Variants in ASIP observed in about 807,000 individuals in gnomAD.
ASIP encodes the protein agouti-signaling protein.
A neutral mutation model predicts 10.3 loss-of-function variants in ASIP; 11 were observed. The observed-to-expected ratio is 1.07, with a 90% CI of 0.68 to 1.78. ASIP has a LOEUF of 1.78. Ranked by LOEUF, ASIP falls within the 40% of genes most tolerant of loss-of-function variation. ASIP has a pLI of 0.00. For synonymous variants in ASIP, 70 were observed against 70.8 expected (o/e 0.99, Z 0.06); for missense variants, 180 against 169.2 (o/e 1.06, Z -0.35).
At chr20:34,192,585 T>A (rs1459551541), upstream of ASIP, among the ~76,000 whole-genome samples, 1 of 151,174 alleles carries the variant, frequency 6.6e-6, no homozygotes, top group Non-Finnish European at 1.5e-5. Flanking sequence ...CTGGTTACCC[T>A]TTGGGATTGG....
intron 3 of ASIP, among the ~76,000 whole-genome samples, chr20:34,267,088 AATAT>A (rs1378934452): frequency 1.3e-5 from 2 of 152,228 alleles, no homozygotes; most frequent in Non-Finnish European, 2.9e-5. Context: ...GACAGATAAA[AATAT>A]ATAACTGACA....
intron 1 of ASIP, among the ~76,000 whole-genome samples, chr20:34,256,319 G>A (rs1398274537): frequency 6.6e-6 from 1 of 152,086 alleles, no homozygotes; most frequent in Non-Finnish European, 1.5e-5. Context: ...ACTGGTCTCT[G>A]TGCCTTGGTG....
In ASIP at chr20:34,262,905, G is replaced by C; in HGVS notation, c.222+12G>C. ...AAAGATCTTCTAAGGTAAGGGCAGGGAAGTTCTGGGAGTTCTCATTGTTGG... is the reference window on the plus strand; with the variant it reads ...AAAGATCTTCTAAGGTAAGGGCAGGCAAGTTCTGGGAGTTCTCATTGTTGG... On this transcript the variant is annotated intron_variant, in intron 3 of 3. Transcript: ENST00000374954. The C allele has an allele frequency of 1.2e-6, 2 of 1,613,810 alleles. No homozygotes were observed. The highest frequency in any genetic ancestry group is 8.5e-7 in the Non-Finnish European group (1 of 1,179,728).
At chr20:34,208,815 A>G (rs2034954313) in intron 1 of ASIP, among the ~76,000 whole-genome samples, 1 of 152,142 alleles carries the variant, frequency 6.6e-6, no homozygotes, top group Non-Finnish European at 1.5e-5. Context: ...TATAGTTTTC[A>G]TTGTAGAGAT....
intron 1 of ASIP, among the ~76,000 whole-genome samples, chr20:34,254,133 G>T (rs2035530435): frequency 6.6e-6 from 1 of 151,528 alleles, no homozygotes; most frequent in Admixed American, 6.6e-5. Context: ...CACAATCTTT[G>T]CTCACTGCAA....
At chr20:34,266,213 G>A (rs1018129476) in intron 3 of ASIP, among the ~76,000 whole-genome samples, 9 of 151,754 alleles carry the variant, frequency 5.9e-5, no homozygotes, top group African/African-American at 2.2e-4. Flanking sequence ...TTAGCCGGAG[G>A]TGGTGGCGGG....
Position 34,269,179 on chromosome 20 carries a change from C to T in ASIP, c.*12C>T. 1 of 1,492,840 alleles carries T rather than the reference C, an allele frequency of 6.7e-7. No individual in the cohort carries two copies. The highest frequency in any genetic ancestry group is 1.3e-5 in the South Asian group (1 of 77,654). 92.5% of individuals were successfully genotyped at this position (1,492,840 alleles called of 1,614,324 possible). A position where few individuals can be genotyped will look rare whatever the true frequency, so the allele number is the denominator to read the frequency against. ...GCCTCAACTGCTGAGCGCCCCCACT[C>T]CCGGCCGCGAGCAGGCAGGGCTTCG... On this transcript the variant is annotated 3_prime_UTR_variant, in exon 4 of 4. Coordinates refer to ENST00000374954, the MANE Select transcript of ASIP (RefSeq NM_001672.3).
At chr20:34,213,055 C>G (rs1478855702) in intron 1 of ASIP, among the ~76,000 whole-genome samples, 1 of 152,204 alleles carries the variant, frequency 6.6e-6, no homozygotes, top group East Asian at 1.9e-4. Context: ...GCCATTGTAA[C>G]AGTATCAACA....
intron 1 of ASIP, among the ~76,000 whole-genome samples, chr20:34,253,541 C>A (rs761340060): frequency 4.6e-5 from 7 of 151,830 alleles, no homozygotes; most frequent in Non-Finnish European, 1.0e-4. Flanking sequence ...GGCACAATCT[C>A]AGCTCACTGC....
At chr20:34,252,345 G>GAGAA (rs1389114641) in intron 1 of ASIP, among the ~76,000 whole-genome samples, 1 of 152,170 alleles carries the variant, frequency 6.6e-6, no homozygotes, top group African/African-American at 2.4e-5. Context: ...AACAGGTGGG[G>GAGAA]AGAAGGTCAG....
At position 34,269,176 on chromosome 20, in the gene ASIP, A is replaced by T. The variant is rs1222754877; in HGVS notation, c.*9A>T. ...TCAGCCTCAACTGCTGAGCGCCCCCACTCCCGGCCGCGAGCAGGCAGGGCT... is the reference window on the plus strand; with the variant it reads ...TCAGCCTCAACTGCTGAGCGCCCCCTCTCCCGGCCGCGAGCAGGCAGGGCT... On this transcript the variant is annotated 3_prime_UTR_variant, in exon 4 of 4. Transcript: ENST00000374954. 2 of 1,495,716 alleles carry T rather than the reference A, an allele frequency of 1.3e-6. No individual in the cohort carries two copies. Among genetic ancestry groups the T allele is most frequent in the Non-Finnish European group, 1.8e-6 (2 of 1,121,824 alleles). The allele number at this position is 1,495,716 out of a possible 1,614,324, so 92.7% of individuals were successfully genotyped here.
chr20:34,224,235 A>G (rs1304222081), intron 1 of ASIP, among the ~76,000 whole-genome samples: 6 of 152,074 alleles, frequency 3.9e-5, no homozygotes, highest in African/African-American at 1.4e-4. Flanking sequence ...AATTAAAAAA[A>G]AAAAAGTTAC....
upstream of ASIP, among the ~76,000 whole-genome samples, chr20:34,237,239 G>A (rs1229326820): frequency 6.8e-6 from 1 of 146,732 alleles, no homozygotes; most frequent in Non-Finnish European, 1.5e-5. Context: ...ACAAATTTTA[G>A]AATGGGTTTT....
intron 2 of ASIP, among the ~76,000 whole-genome samples, chr20:34,261,610 A>G (rs1205312): frequency 0.95 from 144,987 of 151,980 alleles, 69,255 homozygotes; most frequent in East Asian, 1. Flanking sequence ...CTCCAGCCTG[A>G]GTGACAGAGT....
In ASIP at chr20:34,236,380, A is replaced by G. The variant is rs560831536; in HGVS notation, c.-10-23985A>G. On this transcript the variant is annotated intron_variant, in intron 1 of 3. Transcript: ENST00000568305. ...CATGGTGAAACCCTGTCTCTACTAA[A>G]AATACACAAAAAAATTAGCCAGGCA... 3.3e-5 allele frequency among the ~76,000 whole-genome samples: 5 copies of G among 152,100 alleles called. No homozygotes were observed. The East Asian group carries it at 7.8e-4, about 24-fold the overall frequency.
At chr20:34,266,055 G>A (rs1568773362) in intron 3 of ASIP, among the ~76,000 whole-genome samples, 1 of 151,250 alleles carries the variant, frequency 6.6e-6, no homozygotes, top group South Asian at 2.1e-4. Context: ...CTAAATCTCT[G>A]TGTTAAAAGG....
intron 1 of ASIP, among the ~76,000 whole-genome samples, chr20:34,251,275 CT>C (rs541927648): frequency 1.6e-3 from 236 of 146,456 alleles, no homozygotes; most frequent in East Asian, 3.2e-3. Context: ...CTCTGTGTAA[CT>C]TTTTTTTTTT....
At chr20:34,235,829 GAA>G (rs1568755842) in intron 1 of ASIP, among the ~76,000 whole-genome samples, 1 of 62,648 alleles carries the variant, frequency 1.6e-5, no homozygotes, top group African/African-American at 1.7e-4. Flanking sequence ...AAGAAAGAAA[GAA>G]AGAAAGAAAG....
intron 1 of ASIP, chr20:34,215,447 T>G: frequency 6.5e-7 from 1 of 1,527,948 alleles, no homozygotes; most frequent in South Asian, 1.1e-5. Context: ...TCTGAGTTGA[T>G]AGCCATGAGG....
Sources: allele counts gnomAD v4.1 joint callset (sites outside exome capture counted in the v4.1 genomes callset), GRCh38; gene constraint gnomAD v4.1.1; transcripts MANE v1.5; gene names NCBI Gene and HGNC (gene_info 2026-07-23, HGNC 2026-07-21).